RABGAP1L: variants seen among roughly 807,000 people sequenced by gnomAD.
The protein encoded by RABGAP1L is rab GTPase-activating protein 1-like.
In RABGAP1L, 63 loss-of-function variants were observed where a neutral mutation model predicts 137.7. That is an observed-to-expected ratio of 0.46 (90% CI 0.37 to 0.56). RABGAP1L has a LOEUF of 0.56. Ranked by LOEUF, RABGAP1L falls within the 20% of genes least tolerant of loss-of-function variation. The pLI, the probability that RABGAP1L is intolerant of heterozygous loss-of-function variation, is 0.00. For synonymous variants in RABGAP1L, 431 were observed against 433.7 expected (o/e 0.99, Z 0.08); for missense variants, 1,095 against 1,244.0 (o/e 0.88, Z 1.80).
chr1:174,450,924 G>A (rs1655366513), intron 13 of RABGAP1L, among the ~76,000 whole-genome samples: 1 of 152,078 alleles, frequency 6.6e-6, no homozygotes, highest in South Asian at 2.1e-4. Flanking sequence ...GGCTTCAAAG[G>A]TCTTTTAGTA....
intron 14 of RABGAP1L, among the ~76,000 whole-genome samples, chr1:174,647,435 C>G (rs972813332): frequency 6.6e-6 from 1 of 152,046 alleles, no homozygotes; most frequent in South Asian, 2.1e-4. Flanking sequence ...TGAATTTTAT[C>G]GAAGCCCTTT....
At chr1:174,552,239 G>T (rs531877034) in intron 13 of RABGAP1L, among the ~76,000 whole-genome samples, 5 of 152,072 alleles carry the variant, frequency 3.3e-5, no homozygotes, top group Admixed American at 2.0e-4. Context: ...TGTGGTGGGG[G>T]TTTTTGTATA....
intron 13 of RABGAP1L, among the ~76,000 whole-genome samples, chr1:174,458,342 A>G (rs925046026): frequency 6.6e-6 from 1 of 151,364 alleles, no homozygotes; most frequent in Admixed American, 6.6e-5. Flanking sequence ...CAGAAAAAAA[A>G]TTTTTTTCTG....
At chr1:174,484,512 T>C (rs1409420929) in intron 13 of RABGAP1L, among the ~76,000 whole-genome samples, 1 of 152,240 alleles carries the variant, frequency 6.6e-6, no homozygotes, top group Non-Finnish European at 1.5e-5. Context: ...CCCAATATTT[T>C]CTTGTAGTGG....
intron 13 of RABGAP1L, among the ~76,000 whole-genome samples, chr1:174,616,540 A>C (rs1176245606): frequency 1.3e-5 from 2 of 152,182 alleles, no homozygotes; most frequent in African/African-American, 4.8e-5. Flanking sequence ...GGTGGCAATC[A>C]AATGGGGGTA....
chr1:174,855,413 A>G (rs1649132734), intron 19 of RABGAP1L, among the ~76,000 whole-genome samples: 2 of 152,210 alleles, frequency 1.3e-5, no homozygotes, highest in Non-Finnish European at 2.9e-5. Context: ...ACTGTATCCT[A>G]GACATAAACC....
chr1:174,612,603 A>C (rs912667096), intron 13 of RABGAP1L, among the ~76,000 whole-genome samples: 1 of 151,876 alleles, frequency 6.6e-6, no homozygotes, highest in African/African-American at 2.4e-5. Flanking sequence ...CTCTTTTTCT[A>C]TTGATTGGAA....
chr1:174,402,139 T>C (rs2149104641), intron 13 of RABGAP1L, among the ~76,000 whole-genome samples: 1 of 152,304 alleles, frequency 6.6e-6, no homozygotes, highest in African/African-American at 2.4e-5. Flanking sequence ...AGTGCTTTCA[T>C]ATATCCTTTC....
intron 19 of RABGAP1L, among the ~76,000 whole-genome samples, chr1:174,840,228 A>G (rs994114521): frequency 6.6e-6 from 1 of 152,346 alleles, no homozygotes; most frequent in Admixed American, 6.5e-5. Context: ...TTAAAATGAC[A>G]GAACAAAGAT....
chr1:174,654,669 G>T (rs958371729), intron 14 of RABGAP1L, among the ~76,000 whole-genome samples: 47 of 152,018 alleles, frequency 3.1e-4, no homozygotes, highest in African/African-American at 1.1e-3. Flanking sequence ...TTACATTTCT[G>T]TGTCTTTAAA....
chr1:174,307,327 A>G (rs1678375975), intron 11 of RABGAP1L, among the ~76,000 whole-genome samples: 1 of 152,214 alleles, frequency 6.6e-6, no homozygotes, highest in African/African-American at 2.4e-5. Flanking sequence ...AATAACATGA[A>G]AACTTAAACA....
At chr1:174,255,838 C>G (rs1247377184) in intron 7 of RABGAP1L, among the ~76,000 whole-genome samples, 1 of 152,192 alleles carries the variant, frequency 6.6e-6, no homozygotes, top group Non-Finnish European at 1.5e-5. Flanking sequence ...CACTCTCTTT[C>G]TCTTCTCCCT....
chr1:174,547,221 A>G (rs1487151055), intron 13 of RABGAP1L, among the ~76,000 whole-genome samples: 1 of 152,082 alleles, frequency 6.6e-6, no homozygotes, highest in East Asian at 1.9e-4. Flanking sequence ...AGTTAGGGGT[A>G]TAATTATAGT....
At chr1:174,410,923 T>A (rs758391624) in intron 13 of RABGAP1L, among the ~76,000 whole-genome samples, 11 of 152,194 alleles carry the variant, frequency 7.2e-5, no homozygotes, top group Non-Finnish European at 1.6e-4. Context: ...ATTTGAGCAA[T>A]GTTTTGTAGT....
At chr1:174,453,651 T>A (rs2149263430) in intron 13 of RABGAP1L, among the ~76,000 whole-genome samples, 1 of 152,236 alleles carries the variant, frequency 6.6e-6, no homozygotes, top group Non-Finnish European at 1.5e-5. Flanking sequence ...TGAGCAGAAA[T>A]TAACTTTATT....
chr1:174,434,921 T>C (rs1653079408), intron 13 of RABGAP1L, among the ~76,000 whole-genome samples: 1 of 152,218 alleles, frequency 6.6e-6, no homozygotes, highest in Non-Finnish European at 1.5e-5. Flanking sequence ...TGTCTTTGGC[T>C]TGCTGATTTT....
intron 19 of RABGAP1L, among the ~76,000 whole-genome samples, chr1:174,917,349 T>C (rs1461953562): frequency 6.6e-6 from 1 of 152,164 alleles, no homozygotes; most frequent in African/African-American, 2.4e-5. Flanking sequence ...TATGTATACA[T>C]CAGAATATAT....
intron 12 of RABGAP1L, among the ~76,000 whole-genome samples, chr1:174,381,213 G>A (rs200421209): frequency 0.084 from 12,206 of 145,268 alleles, 630 homozygotes; most frequent in East Asian, 0.2. Context: ...TTCCAACTCT[G>A]TGGTCAATTT....
chr1:174,810,921 C>A (rs1573311550), intron 18 of RABGAP1L, among the ~76,000 whole-genome samples: 1 of 151,596 alleles, frequency 6.6e-6, no homozygotes, highest in East Asian at 1.9e-4. Context: ...GAGTGAGACT[C>A]CCATCTCTAT....
Sources: gnomAD v4.1 joint callset for allele counts (sites outside exome capture counted in the v4.1 genomes callset) on GRCh38, gnomAD v4.1.1 for gene constraint, MANE v1.5 for transcripts, NCBI Gene and HGNC (gene_info 2026-07-23, HGNC 2026-07-21) for gene names.